Variants in PIGF observed in about 807,000 individuals in gnomAD.
The protein encoded by PIGF is GPI ethanolamine phosphate transferase, stabilizing subunit.
A neutral mutation model predicts 26.0 loss-of-function variants in PIGF; 23 were observed. The ratio of observed to expected loss-of-function variants is 0.88; its 90% CI spans 0.64 to 1.25. The LOEUF is 1.25. Among genes scored for constraint, PIGF ranks in the 50% most tolerant of loss-of-function variants. PIGF has a pLI of 0.00. For synonymous variants in PIGF, 93 were observed against 92.6 expected, an observed-to-expected ratio of 1.00 and a Z score of -0.03; for missense variants, 278 against 249.9, an observed-to-expected ratio of 1.11 and a Z score of -0.76.
chr2:46,594,981 G>C (rs1572772982), intron 4 of PIGF, among the ~76,000 whole-genome samples: 2 of 151,676 alleles, frequency 1.3e-5, no homozygotes, highest in South Asian at 4.2e-4. Flanking sequence ...CTCCCGAATA[G>C]CTGGGATTAT....
At chr2:46,602,830 GA>G (rs1430486809) in intron 4 of PIGF, among the ~76,000 whole-genome samples, 3 of 151,672 alleles carry the variant, frequency 2.0e-5, no homozygotes, top group Admixed American at 6.6e-5. Context: ...AGAATTCTTT[GA>G]AATTAAAGTT....
At chr2:46,595,646 C>A (rs990517839) in intron 4 of PIGF, among the ~76,000 whole-genome samples, 1 of 152,164 alleles carries the variant, frequency 6.6e-6, no homozygotes, top group Admixed American at 6.5e-5. Flanking sequence ...CCTATGGAAA[C>A]TCTTATATTT....
At chr2:46,598,623 G>A (rs1049944228) in intron 4 of PIGF, among the ~76,000 whole-genome samples, 1 of 147,036 alleles carries the variant, frequency 6.8e-6, no homozygotes. Context: ...CTTCCAATGC[G>A]GCCCAGAGAA....
chr2:46,614,950 G>A lies in PIGF; in HGVS notation c.215C>T (p.Ser72Leu), dbSNP rs1161397829. The change falls in exon 2 of 6, where the codon TCA (serine) becomes TTA (leucine). Residue 72 changes from serine (S) to leucine (L), a missense_variant. Physicochemically the swap from Ser to Leu is moderately radical, Grantham distance 145. Transcript: ENST00000281382. ...VKPNTSSKRSSLSHKVTGFLK... is the reference protein window; with the variant it reads ...VKPNTSSKRSLLSHKVTGFLK... ...CATAAGCCTTACCTTGTGTGATAATGAACTTCTTTTAGAGGATGTATTTGG... is the reference window on the plus strand; with the variant it reads ...CATAAGCCTTACCTTGTGTGATAATAAACTTCTTTTAGAGGATGTATTTGG... The A allele has an allele frequency of 1.3e-6, 2 of 1,515,388 alleles. No individual in the cohort carries two copies. Among genetic ancestry groups the A allele is most frequent in the African/African-American group, 1.4e-5 (1 of 72,942 alleles). 93.9% of individuals were successfully genotyped at this position (1,515,388 alleles called of 1,614,324 possible).
At chr2:46,605,596 A>T (rs977233774) in intron 4 of PIGF, among the ~76,000 whole-genome samples, 1 of 152,124 alleles carries the variant, frequency 6.6e-6, no homozygotes, top group African/African-American at 2.4e-5. Flanking sequence ...TATTAGTTTT[A>T]TTCTAATCAT....
chr2:46,616,994 A>G lies in PIGF; in HGVS notation c.-46T>C. 1 of 548,548 alleles carries G rather than the reference A, an allele frequency of 1.8e-6. No individual in the cohort carries two copies. The highest frequency in any genetic ancestry group is 3.2e-6 in the Non-Finnish European group (1 of 308,198). The allele number at this position is 548,548 out of a possible 1,614,324, so 34.0% of individuals were successfully genotyped here. A position where few individuals can be genotyped will look rare whatever the true frequency, so the allele number is the denominator to read the frequency against. On this transcript the variant is annotated 5_prime_UTR_variant, in exon 1 of 6. Coordinates refer to ENST00000281382, the MANE Select transcript of PIGF (RefSeq NM_002643.4). ...CCTAACTCTCCCTCCCGCGGAAGGG[A>G]AGCGGGGAACTACTGCCTCCTACCA...
intron 4 of PIGF, among the ~76,000 whole-genome samples, chr2:46,606,166 G>A (rs1471057998): frequency 1.3e-5 from 2 of 152,142 alleles, no homozygotes; most frequent in African/African-American, 2.4e-5. Flanking sequence ...TTTTGACTAG[G>A]TAGTACACTA....
chr2:46,596,970 C>G (rs192006638), intron 4 of PIGF, among the ~76,000 whole-genome samples: 26 of 152,302 alleles, frequency 1.7e-4, no homozygotes, highest in Admixed American at 9.1e-4. Context: ...AGAACTGCCT[C>G]TTTTTCCCTG....
chr2:46,582,233 A>G (rs902181648), intron 5 of PIGF: 1 of 151,486 alleles, frequency 6.6e-6, no homozygotes, highest in African/African-American at 2.4e-5. Flanking sequence ...ATTAATGTTG[A>G]TTTATTTCAT....
At chr2:46,591,927 TA>T in intron 5 of PIGF, 1 of 1,303,758 alleles carries the variant, frequency 7.7e-7, no homozygotes, top group Non-Finnish European at 1.0e-6. Flanking sequence ...TATCTGCTTC[TA>T]AAAATTTCAA....
In PIGF at chr2:46,612,308, C is replaced by T. The variant is rs1423683622; in HGVS notation, c.357G>A (p.Leu119=). The change falls in exon 4 of 6, where the codon TTG becomes TTA. Residue 119 remains leucine (L), a synonymous_variant. Transcript: ENST00000281382. Reference sequence around the variant, plus strand: ...AGCAAGGCACAGTAGTAAAAGTAGACAAAATAACTGCAAATAAAAATGTTT... The same window carrying T: ...AGCAAGGCACAGTAGTAAAAGTAGATAAAATAACTGCAAATAAAAATGTTT... ...ALETFLFAVI[L]STFTTVPCLC... 1.4e-6 allele frequency: 2 copies of T among 1,452,208 alleles called. No homozygotes were observed. Among genetic ancestry groups the T allele is most frequent in the African/African-American group, 3.0e-5 (2 of 67,618 alleles). 90.0% of individuals were successfully genotyped at this position (1,452,208 alleles called of 1,614,324 possible).
chr2:46,587,423 C>G (rs1669610892), intron 5 of PIGF, among the ~76,000 whole-genome samples: 2 of 149,544 alleles, frequency 1.3e-5, no homozygotes, highest in Non-Finnish European at 3.0e-5. Flanking sequence ...TACTAGATTT[C>G]TAACGTGGTA....
intron 4 of PIGF, among the ~76,000 whole-genome samples, chr2:46,594,597 G>A (rs1669823956): frequency 1.3e-5 from 2 of 151,056 alleles, no homozygotes. Flanking sequence ...GTGTAATAGA[G>A]TGATCTCGGA....
intron 1 of PIGF, chr2:46,616,440 T>A (rs139362564): frequency 6.6e-6 from 1 of 152,398 alleles, no homozygotes; most frequent in African/African-American, 2.4e-5. Context: ...TGTAATACAG[T>A]GAGCAGGACC....
At chr2:46,610,655 A>G (rs749904694) in intron 4 of PIGF, among the ~76,000 whole-genome samples, 2 of 148,186 alleles carry the variant, frequency 1.3e-5, no homozygotes, top group African/African-American at 2.5e-5. Context: ...TCAGCTTCCC[A>G]AGTAGCTGGG....
chr2:46,613,600 C>T (rs775000668), intron 3 of PIGF, 94 bp downstream of exon 3: 28 of 839,370 alleles, frequency 3.3e-5, no homozygotes, highest in Non-Finnish European at 5.1e-5. Context: ...TAATGATGCA[C>T]ATCATGGTTT....
At chr2:46,585,219 T>C (rs987979342) in intron 5 of PIGF, among the ~76,000 whole-genome samples, 1 of 152,198 alleles carries the variant, frequency 6.6e-6, no homozygotes, top group Non-Finnish European at 1.5e-5. Context: ...AAGACATTCA[T>C]GTAAAGGAAG....
chr2:46,617,026 A>G lies in PIGF; in HGVS notation c.-78T>C, dbSNP rs1305160013. ...GAACTACTGCCTCCTACCATCAGGT[A>G]CGACGGGCGGCCCAGGCCCACGCGC... On this transcript the variant is annotated 5_prime_UTR_variant, in exon 1 of 6. Coordinates refer to ENST00000281382, the MANE Select transcript of PIGF (RefSeq NM_002643.4). 5 of 585,640 alleles carry G rather than the reference A, an allele frequency of 8.5e-6. No homozygotes were observed. Among genetic ancestry groups the G allele is most frequent in the Non-Finnish European group, 1.5e-5 (5 of 329,200 alleles). 36.3% of individuals were successfully genotyped at this position (585,640 alleles called of 1,614,324 possible).
chr2:46,583,100 C>G (rs1304534871), intron 5 of PIGF: 4 of 152,062 alleles, frequency 2.6e-5, no homozygotes, highest in African/African-American at 9.7e-5. Context: ...CAACAGTAAA[C>G]TATTACACAT....
Sources: gnomAD v4.1 joint callset for allele counts (sites outside exome capture counted in the v4.1 genomes callset) on GRCh38, gnomAD v4.1.1 for gene constraint, MANE v1.5 for transcripts, NCBI Gene and HGNC (gene_info 2026-07-23, HGNC 2026-07-21) for gene names.